PIP4K2A: variants seen among roughly 807,000 people sequenced by gnomAD.
PIP4K2A encodes phosphatidylinositol-5-phosphate 4-kinase type 2 alpha.
PIP4K2A carries 14 observed loss-of-function variants against 42.9 expected under a neutral mutation model. The observed-to-expected ratio is 0.33, with a 90% CI of 0.22 to 0.51. The LOEUF (loss-of-function observed/expected upper bound fraction) is 0.51, where lower values mean the gene tolerates loss of function less well. PIP4K2A is among the 20% of genes least tolerant of loss of function. The pLI, the probability that PIP4K2A is intolerant of heterozygous loss-of-function variation, is 0.97. For missense variants in PIP4K2A, 434 were observed against 519.8 expected, an observed-to-expected ratio of 0.83 and a Z score of 1.61; for synonymous variants, 192 against 192.2, an observed-to-expected ratio of 1.00 and a Z score of 0.01.
chr10:22,664,176 TATATAC>T (rs1564460246), intron 1 of PIP4K2A, among the ~76,000 whole-genome samples: 47 of 77,272 alleles, frequency 6.1e-4, no homozygotes, highest in Middle Eastern at 5.5e-3. Flanking sequence ...TACATATATA[TATATAC>T]ATATATATAC....
rs145370095 is a variant in PIP4K2A, at chr10:22,599,126, C to T, written c.340-7345G>A. The stretch of plus-strand genomic sequence containing the variant: ...AACGTCTCTTACTGAATAAATTAAA[C>T]GAGTTTCAAACTCCAAGCATTCTTC... On this transcript the variant is annotated intron_variant, in intron 3 of 9. Coordinates refer to ENST00000376573, the MANE Select transcript of PIP4K2A (RefSeq NM_005028.5). 8.3e-4 allele frequency among the ~76,000 whole-genome samples: 127 copies of T among 152,194 alleles called. 1 individual carries two copies. The East Asian group carries it at 0.021, about 25-fold the overall frequency.
At chr10:22,573,718 G>A (rs928630980) in intron 4 of PIP4K2A, among the ~76,000 whole-genome samples, 1 of 152,132 alleles carries the variant, frequency 6.6e-6, no homozygotes, top group Non-Finnish European at 1.5e-5. Context: ...GTCAAACCTT[G>A]GATATGATCG....
At chr10:22,580,279 C>A (rs952129389) in intron 4 of PIP4K2A, among the ~76,000 whole-genome samples, 1 of 152,050 alleles carries the variant, frequency 6.6e-6, no homozygotes, top group African/African-American at 2.4e-5. Flanking sequence ...AGGATCACAA[C>A]TGTGAGCACA....
At chr10:22,638,069 C>A (rs1838706250) in intron 1 of PIP4K2A, among the ~76,000 whole-genome samples, 1 of 152,144 alleles carries the variant, frequency 6.6e-6, no homozygotes, top group Non-Finnish European at 1.5e-5. Flanking sequence ...CCCCCAGGAC[C>A]AAAGAACACA....
chr10:22,677,493 C>T (rs1839582033), intron 1 of PIP4K2A, among the ~76,000 whole-genome samples: 1 of 152,190 alleles, frequency 6.6e-6, no homozygotes, highest in African/African-American at 2.4e-5. Flanking sequence ...CTGCAGATAG[C>T]CACAAGGCAA....
At chr10:22,680,720 A>G (rs1263064653) in intron 1 of PIP4K2A, among the ~76,000 whole-genome samples, 1 of 152,236 alleles carries the variant, frequency 6.6e-6, no homozygotes, top group South Asian at 2.1e-4. Flanking sequence ...GCGACAGCTC[A>G]GCGAGGGCTG....
intron 4 of PIP4K2A, among the ~76,000 whole-genome samples, chr10:22,574,492 A>G (rs532651602): frequency 6.6e-6 from 1 of 150,874 alleles, no homozygotes; most frequent in South Asian, 2.1e-4. Context: ...TACAAAAGTA[A>G]TTAAAATGTC....
intron 4 of PIP4K2A, among the ~76,000 whole-genome samples, chr10:22,589,848 A>AT (rs1219488941): frequency 1.3e-5 from 2 of 152,144 alleles, no homozygotes; most frequent in African/African-American, 4.8e-5. Context: ...GTGACAGCCA[A>AT]TTTTTACCTT....
chr10:22,707,627 G>A (rs1359229404), intron 1 of PIP4K2A, among the ~76,000 whole-genome samples: 1 of 152,148 alleles, frequency 6.6e-6, no homozygotes, highest in African/African-American at 2.4e-5. Context: ...CCTGAGCTTG[G>A]CCCAGGCAGC....
At chr10:22,637,263 A>G (rs903955845) in intron 1 of PIP4K2A, among the ~76,000 whole-genome samples, 3 of 152,192 alleles carry the variant, frequency 2.0e-5, no homozygotes, top group Admixed American at 6.5e-5. Flanking sequence ...CTCTTTTCAA[A>G]CCGTTATATC....
At position 22,550,713 on chromosome 10, in the gene PIP4K2A, A is replaced by G; in HGVS notation, c.738T>C (p.Tyr246=). 1.2e-6 allele frequency: 2 copies of G among 1,609,446 alleles called. No individual in the cohort carries two copies. Among genetic ancestry groups the G allele is most frequent in the Non-Finnish European group, 1.7e-6 (2 of 1,175,636 alleles). The part of the protein sequence containing the change: ...NDFINEGQKI[Y]IDDNNKKVFL... ...AGACCTTCTTGTTGTTGTCATCAAT[A>G]TAAATCTTTTGGCCCTCATTAATGA... Residue 246 remains tyrosine, a synonymous_variant, in exon 7 of 10, where the codon TAT becomes TAC. Transcript: ENST00000376573.
intron 4 of PIP4K2A, among the ~76,000 whole-genome samples, chr10:22,586,353 G>A (rs779228849): frequency 4.5e-4 from 69 of 152,194 alleles, no homozygotes; most frequent in African/African-American, 1.1e-3. Flanking sequence ...AACTCCTCAC[G>A]GCTGAAGTCT....
chr10:22,654,306 G>A (rs991138162), intron 1 of PIP4K2A, among the ~76,000 whole-genome samples: 1 of 151,968 alleles, frequency 6.6e-6, no homozygotes, highest in Admixed American at 6.6e-5. Flanking sequence ...CTTCCCCCTA[G>A]CAGAAATATC....
At chr10:22,671,758 A>ACACG (rs1157073659) in intron 1 of PIP4K2A, among the ~76,000 whole-genome samples, 2 of 151,740 alleles carry the variant, frequency 1.3e-5, no homozygotes, top group African/African-American at 4.9e-5. Flanking sequence ...ACACACACAC[A>ACACG]CACACACACA....
At chr10:22,704,529 A>G (rs543499452) in intron 1 of PIP4K2A, among the ~76,000 whole-genome samples, 2 of 151,846 alleles carry the variant, frequency 1.3e-5, no homozygotes, top group African/African-American at 2.4e-5. Flanking sequence ...GGTAGCTCAC[A>G]TGTATAATCC....
Position 22,550,716 on chromosome 10 carries a change from A to C in PIP4K2A, c.735T>G (p.Ile245Met). 6.2e-7 allele frequency: 1 copy of C among 1,609,446 alleles called. No homozygotes were observed. The highest frequency in any genetic ancestry group is 8.5e-7 in the Non-Finnish European group (1 of 1,175,688). The change falls in exon 7 of 10, where the codon ATT (isoleucine) becomes ATG (methionine). Residue 245 changes from isoleucine to methionine, a missense_variant. Around this residue, in one of 2 missense-constraint regions of PIP4K2A, gnomAD observed 395 missense variants for 444.5 expected, o/e 0.89. Coordinates refer to ENST00000376573, the MANE Select transcript of PIP4K2A (RefSeq NM_005028.5). ...CCTTCTTGTTGTTGTCATCAATATA[A>C]ATCTTTTGGCCCTCATTAATGAAAT... is the stretch of plus-strand genomic sequence containing the variant. ...DNDFINEGQK[I>M]YIDDNNKKVF... is the part of the protein sequence containing the mutation.
intron 1 of PIP4K2A, among the ~76,000 whole-genome samples, chr10:22,648,229 A>G (rs1364808397): frequency 6.6e-6 from 1 of 152,246 alleles, no homozygotes. Flanking sequence ...AGAAAAAAAA[A>G]GTACCAAATA....
chr10:22,623,437 C>CGGA (rs1052023925), intron 1 of PIP4K2A, among the ~76,000 whole-genome samples: 1 of 152,142 alleles, frequency 6.6e-6, no homozygotes, highest in African/African-American at 2.4e-5. Context: ...TCCACAAGGG[C>CGGA]GGTGTGCTCC....
At chr10:22,593,179 C>G (rs1257482306) in intron 3 of PIP4K2A, among the ~76,000 whole-genome samples, 2 of 152,224 alleles carry the variant, frequency 1.3e-5, no homozygotes, top group Non-Finnish European at 2.9e-5. Flanking sequence ...AAATCTTCAT[C>G]TTCCAGGATT....
Sources: allele counts gnomAD v4.1 joint callset (sites outside exome capture counted in the v4.1 genomes callset), GRCh38; gene constraint gnomAD v4.1.1; regional missense constraint gnomAD v4.1.1; transcripts MANE v1.5; gene names NCBI Gene and HGNC (gene_info 2026-07-23, HGNC 2026-07-21).